Variants in COL5A2 observed in about 807,000 individuals in gnomAD.
COL5A2 encodes collagen alpha-2(V) chain.
Under a neutral mutation model 208.2 loss-of-function variants are expected in COL5A2, and 23 were observed. That is an observed-to-expected ratio of 0.11 (90% CI 0.08 to 0.16). The LOEUF is 0.16. COL5A2 is among the 10% of genes least tolerant of loss of function. The pLI, the probability that COL5A2 is intolerant of heterozygous loss-of-function variation, is 1.00. For missense variants in COL5A2, 1,590 were observed against 1,956.4 expected (o/e 0.81, Z 3.53); for synonymous variants, 625 against 628.5 (o/e 0.99, Z 0.08).
In COL5A2 at chr2:189,096,255, A is replaced by G. The variant is rs143127383; in HGVS notation, c.456+1022T>C. The G allele has an allele frequency of 3.3e-5, 5 of 152,330 alleles. No homozygotes were observed. In the East Asian group the frequency reaches 9.6e-4, roughly 29 times the overall value. 9.4% of individuals were successfully genotyped at this position (152,330 alleles called of 1,614,324 possible). A position where few individuals can be genotyped will look rare whatever the true frequency, so the allele number is the denominator to read the frequency against. On this transcript the variant is annotated intron_variant, in intron 6 of 53. Coordinates refer to ENST00000374866, the MANE Select transcript of COL5A2 (RefSeq NM_000393.5). ...AAAAATCTACTGAGAGTTTTAATAG[A>G]TACATTAGAGAAAAAATTAAACAGT...
chr2:189,067,593 T>C (rs914188153), intron 21 of COL5A2, among the ~76,000 whole-genome samples: 1 of 152,162 alleles, frequency 6.6e-6, no homozygotes, highest in African/African-American at 2.4e-5. Context: ...TTCAATCTGA[T>C]TAATATATTT....
chr2:189,310,592 GGAA>G, the COL5A2 span, among the ~76,000 whole-genome samples: 1 of 126,850 alleles, frequency 7.9e-6, no homozygotes, highest in East Asian at 2.8e-4. Context: ...CCAAAAGAAA[GGAA>G]ATCAGGACCT....
intron 3 of COL5A2, among the ~76,000 whole-genome samples, chr2:189,100,871 T>C (rs1448298016): frequency 6.6e-6 from 1 of 152,042 alleles, no homozygotes; most frequent in Non-Finnish European, 1.5e-5. Context: ...ATAGAATTTA[T>C]TTTGTTTCTT....
chr2:189,065,123 G>T, intron 23 of COL5A2, 66 bp from the exon 24 acceptor site: 1 of 1,434,196 alleles, frequency 7.0e-7, no homozygotes, highest in East Asian at 2.4e-5. Flanking sequence ...ATGAATAGGT[G>T]ATTTTTATTT....
intron 3 of COL5A2, among the ~76,000 whole-genome samples, chr2:189,101,512 T>C (rs757169583): frequency 5.3e-5 from 8 of 152,108 alleles, no homozygotes; most frequent in Non-Finnish European, 8.8e-5. Flanking sequence ...TCTTTGTTTA[T>C]AAATGTGTCC....
intron 1 of COL5A2, among the ~76,000 whole-genome samples, chr2:189,132,069 T>C (rs1221532546): frequency 1.3e-5 from 2 of 152,242 alleles, no homozygotes; most frequent in Non-Finnish European, 2.9e-5. Context: ...TGTATTAAAA[T>C]GTCTGTTCTT....
chr2:189,377,626 T>G, the COL5A2 span, among the ~76,000 whole-genome samples: 1 of 152,158 alleles, frequency 6.6e-6, no homozygotes, highest in Non-Finnish European at 1.5e-5. Context: ...CACACTAATC[T>G]CCCTACTCCA....
intron 1 of COL5A2, among the ~76,000 whole-genome samples, chr2:189,154,064 T>C (rs1688197755): frequency 6.6e-6 from 1 of 152,116 alleles, no homozygotes; most frequent in Non-Finnish European, 1.5e-5. Context: ...TGTTATAGTG[T>C]CTTGAAGTAA....
chr2:189,315,802 C>G, the COL5A2 span, among the ~76,000 whole-genome samples: 25 of 151,924 alleles, frequency 1.6e-4, no homozygotes, highest in African/African-American at 6.0e-4. Context: ...AAGCCAAGAG[C>G]CAAATCAGGA....
intron 23 of COL5A2, among the ~76,000 whole-genome samples, chr2:189,066,100 CTATT>C (rs1686142132): frequency 6.6e-6 from 1 of 152,216 alleles, no homozygotes. Context: ...AAATAAACAA[CTATT>C]TACTAGTCTC....
At chr2:189,058,640 A>G in intron 32 of COL5A2, 113 bp from the exon 33 acceptor site, 1 of 1,042,558 alleles carries the variant, frequency 9.6e-7, no homozygotes, top group South Asian at 1.4e-5. Flanking sequence ...GACATTACTA[A>G]ATCTCAATTT....
chr2:189,219,688 T>C lies in COL5A2; in HGVS notation c.-42+5460A>G, dbSNP rs991510670. Among the ~76,000 whole-genome samples, 20 of 152,090 alleles carry C rather than the reference T, an allele frequency of 1.3e-4. 1 individual carries two copies. The highest frequency in any genetic ancestry group is 1.2e-3 in the Admixed American group (18 of 15,268). ...ACTCTGAATGAATGGGAAAAGCATA[T>C]AGTTTAAACTTTTTATTATAAAGTC... On this transcript the variant is annotated intron_variant, in intron 1 of 10. Transcript: ENST00000649966.
At chr2:189,087,007 T>C (rs1013440342) in intron 8 of COL5A2, among the ~76,000 whole-genome samples, 1 of 152,228 alleles carries the variant, frequency 6.6e-6, no homozygotes, top group Admixed American at 6.5e-5. Flanking sequence ...ATGAGCCATA[T>C]GTCTGTACAC....
intron 1 of COL5A2, among the ~76,000 whole-genome samples, chr2:189,150,884 G>A (rs2105786761): frequency 6.6e-6 from 1 of 152,250 alleles, no homozygotes; most frequent in East Asian, 1.9e-4. Context: ...TCCAGAGACA[G>A]AGAATTCATT....
the COL5A2 span, among the ~76,000 whole-genome samples, chr2:189,405,412 AGTAGAC>A: frequency 5.7e-3 from 873 of 152,194 alleles, 11 homozygotes; most frequent in African/African-American, 0.02. Context: ...TTGTATTTTC[AGTAGAC>A]ACAGGGTTTC....
At chr2:189,126,754 T>C (rs1180950482) in intron 1 of COL5A2, among the ~76,000 whole-genome samples, 1 of 152,124 alleles carries the variant, frequency 6.6e-6, no homozygotes, top group Non-Finnish European at 1.5e-5. Flanking sequence ...GGATTTGAAG[T>C]AGTCTTGGCA....
intron 1 of COL5A2, among the ~76,000 whole-genome samples, chr2:189,193,764 G>A (rs972543564): frequency 6.6e-6 from 1 of 152,158 alleles, no homozygotes; most frequent in Non-Finnish European, 1.5e-5. Flanking sequence ...ATTATTTTCT[G>A]GGGGAGAGAG....
At chr2:189,361,833 T>A in the COL5A2 span, among the ~76,000 whole-genome samples, 2 of 152,182 alleles carry the variant, frequency 1.3e-5, no homozygotes, top group South Asian at 4.1e-4. Context: ...TTATAACAGG[T>A]TATTTTAAAC....
chr2:189,262,539 T>TGGG, the COL5A2 span, among the ~76,000 whole-genome samples: 1 of 152,092 alleles, frequency 6.6e-6, no homozygotes, highest in Non-Finnish European at 1.5e-5. Context: ...ACCGACTAGT[T>TGGG]CTCTAAAACA....
Sources: allele counts gnomAD v4.1 joint callset (sites outside exome capture counted in the v4.1 genomes callset), GRCh38; gene constraint gnomAD v4.1.1; transcripts MANE v1.5; gene names NCBI Gene and HGNC (gene_info 2026-07-23, HGNC 2026-07-21).